The following LRRC8B variants were observed in gnomAD, a reference collection of about 807,000 sequenced individuals.
The protein encoded by LRRC8B is leucine rich repeat containing 8 VRAC subunit B.
In LRRC8B, 23 loss-of-function variants were observed where a neutral mutation model predicts 58.8. The ratio of observed to expected loss-of-function variants is 0.39; its 90% CI spans 0.28 to 0.55. The LOEUF (loss-of-function observed/expected upper bound fraction) is 0.55, where lower values mean the gene tolerates loss of function less well. LRRC8B is among the 20% of genes least tolerant of loss of function. LRRC8B has a pLI of 0.62. For synonymous variants in LRRC8B, 359 were observed against 374.1 expected (o/e 0.96, Z 0.47); for missense variants, 694 against 936.0 (o/e 0.74, Z 3.37).
chr1:89,531,132 A>G (rs1269416606), intron 1 of LRRC8B, among the ~76,000 whole-genome samples: 1 of 152,186 alleles, frequency 6.6e-6, no homozygotes, highest in Non-Finnish European at 1.5e-5. Context: ...ATTTCTTTTA[A>G]CAAAACTGAG....
At chr1:89,590,934 G>C (rs894503473) in intron 5 of LRRC8B, among the ~76,000 whole-genome samples, 4 of 152,190 alleles carry the variant, frequency 2.6e-5, no homozygotes, top group Non-Finnish European at 5.9e-5. Context: ...TCACAACTGG[G>C]AAGGGGAGTG....
chr1:89,578,559 T>C (rs1654013291), intron 3 of LRRC8B, among the ~76,000 whole-genome samples: 1 of 152,214 alleles, frequency 6.6e-6, no homozygotes, highest in Admixed American at 6.5e-5. Flanking sequence ...TAAAATAGGC[T>C]TTGCACATGA....
chr1:89,552,715 G>A (rs968032057), intron 1 of LRRC8B, among the ~76,000 whole-genome samples: 5 of 152,186 alleles, frequency 3.3e-5, no homozygotes, highest in African/African-American at 1.2e-4. Context: ...GCATGAAAAT[G>A]ATTGCTTAAC....
chr1:89,583,777 A>G lies in LRRC8B; in HGVS notation c.1127A>G (p.Tyr376Cys), dbSNP rs1654418889. ...TTCATCCTTCATCTGGCTGATCAGTATGATCCTCTTTATTCCAAACGCTTC... is the reference window on the plus strand; with the variant it reads ...TTCATCCTTCATCTGGCTGATCAGTGTGATCCTCTTTATTCCAAACGCTTC... Reference protein sequence around the residue: ...FAFILHLADQYDPLYSKRFSI... With the variant: ...FAFILHLADQCDPLYSKRFSI... The change falls in exon 5 of 6, where the codon TAT becomes TGT. Residue 376 changes from tyrosine (Y) to cysteine (C), a missense_variant. By Grantham distance (194) the Tyr-to-Cys change is radical. Coordinates refer to ENST00000330947, the MANE Select transcript of LRRC8B (RefSeq NM_001369817.2). The surrounding 1 kb of genome is among the most constrained non-coding windows in gnomAD (Gnocchi z 5.2). 6.2e-7 allele frequency: 1 copy of G among 1,614,074 alleles called. No homozygotes were observed. The highest frequency in any genetic ancestry group is 1.7e-5 in the Admixed American group (1 of 60,004).
chr1:89,543,499 A>AT (rs879506629), intron 1 of LRRC8B, among the ~76,000 whole-genome samples: 178 of 145,216 alleles, frequency 1.2e-3, no homozygotes, highest in South Asian at 3.9e-3. Context: ...TGAAAAACTG[A>AT]TTTTTTTTTT....
chr1:89,578,906 ACT>A (rs1654037878), intron 3 of LRRC8B, among the ~76,000 whole-genome samples: 1 of 152,202 alleles, frequency 6.6e-6, no homozygotes, highest in African/African-American at 2.4e-5. Flanking sequence ...CTTTTATTAA[ACT>A]CTAAATTAAA....
intron 5 of LRRC8B, among the ~76,000 whole-genome samples, chr1:89,590,534 G>A (rs1005512254): frequency 6.6e-6 from 1 of 152,226 alleles, no homozygotes; most frequent in African/African-American, 2.4e-5. Context: ...CTGGCCCTGA[G>A]GCCCACTCCC....
intron 5 of LRRC8B, among the ~76,000 whole-genome samples, chr1:89,591,196 G>A (rs922881468): frequency 6.6e-6 from 1 of 152,234 alleles, no homozygotes; most frequent in African/African-American, 2.4e-5. Context: ...AATGAGCCAA[G>A]CCTAATTTCT....
rs1655343777 is a variant in LRRC8B at position 89,597,283 on chromosome 1, G to C, written c.*4240G>C. 1 of 152,128 alleles carries C rather than the reference G, an allele frequency of 6.6e-6. No individual in the cohort carries two copies. The highest frequency in any genetic ancestry group is 1.5e-5 in the Non-Finnish European group (1 of 68,024). 9.4% of individuals were successfully genotyped at this position (152,128 alleles called of 1,614,324 possible). On this transcript the variant is annotated 3_prime_UTR_variant, in exon 6 of 6. Transcript: ENST00000330947. The stretch of plus-strand genomic sequence containing the variant: ...CATTAACATAGAATAATGAGCCAAA[G>C]TACTGAGTCGAGATGGCTTTCAGTT...
At position 89,584,000 on chromosome 1, in the gene LRRC8B, C is replaced by T; in HGVS notation, c.1350C>T (p.Ile450=). ...TEMEVLSLEL[I]PEVKLPSAVS... is the part of the protein sequence containing the mutation. ...TGGAAGTGCTAAGCCTGGAGCTTAT[C>T]CCAGAGGTGAAGCTGCCCTCTGCAG... Residue 450 remains isoleucine, a synonymous_variant, in exon 5 of 6, where the codon ATC becomes ATT. Coordinates refer to ENST00000330947, the MANE Select transcript of LRRC8B (RefSeq NM_001369817.2). The surrounding 1 kb of genome is among the most constrained non-coding windows in gnomAD (Gnocchi z 5.2). 6.2e-7 allele frequency: 1 copy of T among 1,614,212 alleles called. No individual in the cohort carries two copies. Among genetic ancestry groups the T allele is most frequent in the Non-Finnish European group, 8.5e-7 (1 of 1,180,040 alleles).
At chr1:89,567,239 T>C (rs12144894) in intron 1 of LRRC8B, among the ~76,000 whole-genome samples, 27,984 of 152,260 alleles carry the variant, frequency 0.18, 3,326 homozygotes, top group South Asian at 0.33. Context: ...CTTGGTACTT[T>C]TATGTTTTGC....
rs770605628 is a variant in LRRC8B at position 89,583,246 on chromosome 1, T to C, written c.596T>C (p.Ile199Thr). 2.1e-5 allele frequency: 34 copies of C among 1,614,194 alleles called. No homozygotes were observed. In the Admixed American group the frequency reaches 5.3e-4, roughly 25 times the overall value. Reference protein sequence around the residue: ...LLSSSGCSADIDSGKQSLPYP... With the variant: ...LLSSSGCSADTDSGKQSLPYP... ...TCGTCCTCAGGGTGTTCAGCTGACA[T>C]AGATTCCGGCAAACAGTCATTGCCC... Residue 199 changes from isoleucine (I) to threonine (T), a missense_variant, in exon 5 of 6, where the codon ATA becomes ACA. Ile to Thr is a moderately conservative substitution (Grantham distance 89). This residue lies in a region of LRRC8B where 316 missense variants were observed against 403.8 expected (regional missense o/e 0.78). Transcript: ENST00000330947. This position sits in a 1 kb window ranked among gnomAD's most constrained non-coding sequence, Gnocchi z 5.2.
chr1:89,568,848 AT>A (rs1014360385), intron 3 of LRRC8B, among the ~76,000 whole-genome samples: 3 of 152,096 alleles, frequency 2.0e-5, no homozygotes, highest in African/African-American at 7.2e-5. Context: ...TTAAGGTAGG[AT>A]TTTTAATGCT....
chr1:89,528,244 C>G (rs1649849692), intron 1 of LRRC8B, among the ~76,000 whole-genome samples: 2 of 152,306 alleles, frequency 1.3e-5, no homozygotes, highest in South Asian at 2.1e-4. Context: ...TGCACAGCTT[C>G]TATTTCTCTT....
chr1:89,543,566 G>C (rs965457697), intron 1 of LRRC8B, among the ~76,000 whole-genome samples: 3 of 151,786 alleles, frequency 2.0e-5, no homozygotes, highest in African/African-American at 7.3e-5. Context: ...CACAATCTCA[G>C]CTCACTGCAA....
rs189956981 is a variant in LRRC8B at position 89,596,660 on chromosome 1, A to G, written c.*3617A>G. ...CTTCACATTCTCTTAGCATCATCCTATGCACATAAGGTATGTTGTTTTCCT... is the reference window on the plus strand; with the variant it reads ...CTTCACATTCTCTTAGCATCATCCTGTGCACATAAGGTATGTTGTTTTCCT... On this transcript the variant is annotated 3_prime_UTR_variant, in exon 6 of 6. Transcript: ENST00000330947. 8 of 152,260 alleles carry G rather than the reference A, an allele frequency of 5.3e-5. No homozygotes were observed. Among genetic ancestry groups the G allele is most frequent in the East Asian group, 1.9e-4 (1 of 5,184 alleles). The allele number at this position is 152,260 out of a possible 1,614,324, so 9.4% of individuals were successfully genotyped here. A position where few individuals can be genotyped will look rare whatever the true frequency, so the allele number is the denominator to read the frequency against.
chr1:89,570,098 C>T (rs1282948518), intron 3 of LRRC8B, among the ~76,000 whole-genome samples: 1 of 152,142 alleles, frequency 6.6e-6, no homozygotes, highest in Non-Finnish European at 1.5e-5. Context: ...ATATGTACCA[C>T]ATTTTCTTTA....
intron 1 of LRRC8B, among the ~76,000 whole-genome samples, chr1:89,564,210 A>G (rs765203896): frequency 7.9e-5 from 12 of 152,208 alleles, no homozygotes; most frequent in Non-Finnish European, 1.8e-4. Context: ...TGCTCTGGCT[A>G]TCTATCATGT....
intron 1 of LRRC8B, among the ~76,000 whole-genome samples, chr1:89,560,784 C>T (rs1014301062): frequency 2.7e-5 from 4 of 150,786 alleles, no homozygotes; most frequent in African/African-American, 4.9e-5. Context: ...TCCAGTCTAT[C>T]ATTGTTGGAC....
Sources: allele counts gnomAD v4.1 joint callset (sites outside exome capture counted in the v4.1 genomes callset), GRCh38; gene constraint gnomAD v4.1.1; regional missense constraint gnomAD v4.1.1; non-coding constraint Gnocchi (gnomAD v3.1); transcripts MANE v1.5; gene names NCBI Gene and HGNC (gene_info 2026-07-23, HGNC 2026-07-21).